LRP1B: variants seen among roughly 807,000 people sequenced by gnomAD.
LRP1B encodes the protein LDL receptor related protein 1B.
In LRP1B, 217 loss-of-function variants were observed where a neutral mutation model predicts 556.6. The ratio of observed to expected loss-of-function variants is 0.39; its 90% CI spans 0.35 to 0.44. The LOEUF is 0.44. Among genes scored for constraint, LRP1B ranks in the 20% least tolerant of loss-of-function variants. LRP1B has a pLI of 1.00. For synonymous variants in LRP1B, 2,047 were observed against 1,865.8 expected, an observed-to-expected ratio of 1.10 and a Z score of -2.50; for missense variants, 5,053 against 5,620.8, an observed-to-expected ratio of 0.90 and a Z score of 3.23.
rs1177227242 is a variant in LRP1B, at chr2:140,479,997, C to T, written c.9426-4660G>A. Among the ~76,000 whole-genome samples, 4 of 152,296 alleles carry T rather than the reference C, an allele frequency of 2.6e-5. No homozygotes were observed. In the East Asian group the frequency reaches 7.7e-4, roughly 29 times the overall value. ...GTCTCTGTAACTATAACCTCATTCT[C>T]TGTGTACATCTAGTTACTCATTCAT... On this transcript the variant is annotated intron_variant, in intron 59 of 90. Coordinates refer to ENST00000389484, the MANE Select transcript of LRP1B (RefSeq NM_018557.3).
At chr2:140,275,396 C>G (rs1461445174) in intron 84 of LRP1B, among the ~76,000 whole-genome samples, 2 of 151,944 alleles carry the variant, frequency 1.3e-5, no homozygotes, top group Admixed American at 1.3e-4. Context: ...CTAAGTTTGT[C>G]CCTTCATTCA....
chr2:141,414,200 G>C (rs996543908), intron 3 of LRP1B, among the ~76,000 whole-genome samples: 5 of 143,408 alleles, frequency 3.5e-5, no homozygotes, highest in East Asian at 4.3e-4. Context: ...TAGCGCCACT[G>C]CACTCCAGCC....
At chr2:140,641,155 A>C (rs1264022138) in intron 41 of LRP1B, among the ~76,000 whole-genome samples, 2 of 152,208 alleles carry the variant, frequency 1.3e-5, no homozygotes, top group Non-Finnish European at 2.9e-5. Flanking sequence ...TTAAAACTGC[A>C]ATCTAAGTAG....
chr2:141,471,280 T>TGTTTTTG (rs1402224023), intron 3 of LRP1B, among the ~76,000 whole-genome samples: 2 of 145,668 alleles, frequency 1.4e-5, no homozygotes, highest in African/African-American at 2.5e-5. Flanking sequence ...TTTTTTTTTT[T>TGTTTTTG]TTTTTTTTTT....
intron 2 of LRP1B, among the ~76,000 whole-genome samples, chr2:141,574,042 C>G (rs1409256894): frequency 1.3e-5 from 2 of 152,126 alleles, no homozygotes; most frequent in African/African-American, 4.8e-5. Context: ...ACCATTCCTA[C>G]TAAAACTATT....
intron 33 of LRP1B, 99 bp from the exon 34 acceptor site, chr2:140,771,105 T>G: frequency 1.3e-6 from 1 of 771,110 alleles, no homozygotes. Context: ...ATGCTATTGA[T>G]TTCTAAATGC....
intron 69 of LRP1B, among the ~76,000 whole-genome samples, chr2:140,372,249 G>A (rs1683029828): frequency 6.6e-6 from 1 of 151,984 alleles, no homozygotes; most frequent in African/African-American, 2.4e-5. Context: ...TTCATAAGGA[G>A]TCTAATAACA....
At chr2:141,044,146 C>T (rs996773208) in intron 11 of LRP1B, among the ~76,000 whole-genome samples, 5 of 151,742 alleles carry the variant, frequency 3.3e-5, no homozygotes, top group African/African-American at 9.7e-5. Context: ...CTTTGACAAA[C>T]CTGAGAAAAA....
intron 3 of LRP1B, among the ~76,000 whole-genome samples, chr2:141,336,071 C>T (rs2714199): frequency 0.58 from 84,411 of 145,348 alleles, 25,536 homozygotes; most frequent in African/African-American, 0.69. Context: ...CCTCAGAAGA[C>T]CTTTAAGTAA....
At position 140,335,306 on chromosome 2, in the gene LRP1B, A is replaced by G. The variant is rs188264690; in HGVS notation, c.12116+309T>C. The stretch of plus-strand genomic sequence containing the variant: ...TTACGTTTAATATTTTAATAATTCA[A>G]TTTTAGATTATAAACATCACACCAG... On this transcript the variant is annotated intron_variant, in intron 78 of 90. Coordinates refer to ENST00000389484, the MANE Select transcript of LRP1B (RefSeq NM_018557.3). Among the ~76,000 whole-genome samples the G allele has an allele frequency of 2.0e-3, 311 of 151,962 alleles. 1 individual carries two copies. The highest frequency in any genetic ancestry group is 6.8e-3 in the Middle Eastern group (2 of 294).
intron 67 of LRP1B, among the ~76,000 whole-genome samples, chr2:140,384,435 T>C (rs1220374022): frequency 6.6e-6 from 1 of 152,212 alleles, no homozygotes; most frequent in Non-Finnish European, 1.5e-5. Context: ...ATACAGTTTT[T>C]AAAAACTGGT....
chr2:141,204,847 G>A (rs541716714), intron 6 of LRP1B, among the ~76,000 whole-genome samples: 6 of 152,002 alleles, frequency 3.9e-5, no homozygotes, highest in Non-Finnish European at 5.9e-5. Flanking sequence ...TGAGGCAGGA[G>A]AATCTCTTGA....
chr2:141,836,665 C>G (rs1182555760), intron 1 of LRP1B, among the ~76,000 whole-genome samples: 1 of 151,982 alleles, frequency 6.6e-6, no homozygotes, highest in Non-Finnish European at 1.5e-5. Context: ...GTCACACACT[C>G]TAACTGCTAA....
chr2:140,260,891 C>T (rs1681905834), intron 86 of LRP1B, among the ~76,000 whole-genome samples: 1 of 151,586 alleles, frequency 6.6e-6, no homozygotes, highest in Admixed American at 6.6e-5. Flanking sequence ...CTGTCTCCAC[C>T]CTCTTAGACA....
chr2:140,701,242 C>A (rs1315911444), intron 40 of LRP1B, among the ~76,000 whole-genome samples: 1 of 151,852 alleles, frequency 6.6e-6, no homozygotes, highest in Non-Finnish European at 1.5e-5. Context: ...TTTAAATACC[C>A]AAATCATTGT....
chr2:141,812,704 TTAA>T (rs1326859242), intron 1 of LRP1B, among the ~76,000 whole-genome samples: 1 of 152,114 alleles, frequency 6.6e-6, no homozygotes, highest in Non-Finnish European at 1.5e-5. Context: ...GAAAAGGTAA[TTAA>T]TAATAAAACA....
At chr2:141,085,682 G>A (rs181440236) in intron 7 of LRP1B, among the ~76,000 whole-genome samples, 76 of 152,288 alleles carry the variant, frequency 5.0e-4, no homozygotes, top group Admixed American at 1.5e-3. Flanking sequence ...TGTTATGGCA[G>A]ACCTAGCAAA....
At chr2:141,936,737 A>G (rs1700646037) in intron 1 of LRP1B, among the ~76,000 whole-genome samples, 1 of 152,160 alleles carries the variant, frequency 6.6e-6, no homozygotes, top group Non-Finnish European at 1.5e-5. Flanking sequence ...CAGTTTCATC[A>G]TTCGTAGGAT....
rs553694034 is a variant in LRP1B, at chr2:141,394,562, A to G, written c.343+85834T>C. ...CAGGGGTAGAATCACCCAGCTTCAA[A>G]GTGTCTACAATGCAATAGTATGGTC... On this transcript the variant is annotated intron_variant, in intron 3 of 90. Transcript: ENST00000389484. Among the ~76,000 whole-genome samples, 18 of 152,232 alleles carry G rather than the reference A, an allele frequency of 1.2e-4. No homozygotes were observed. In the South Asian group the frequency reaches 3.7e-3, roughly 32 times the overall value.
Sources: gnomAD v4.1 joint callset for allele counts (sites outside exome capture counted in the v4.1 genomes callset) on GRCh38, gnomAD v4.1.1 for gene constraint, MANE v1.5 for transcripts, NCBI Gene and HGNC (gene_info 2026-07-23, HGNC 2026-07-21) for gene names.